Variants in PSMD5 observed in about 807,000 individuals in gnomAD.
PSMD5 encodes the protein proteasome 26S subunit, non-ATPase 5, also known as 26S proteasome non-ATPase regulatory subunit 5.
Under a neutral mutation model 52.1 loss-of-function variants are expected in PSMD5, and 40 were observed. That is an observed-to-expected ratio of 0.77 (90% CI 0.60 to 1.00). The LOEUF is 1.00. PSMD5 is among the 50% of genes least tolerant of loss of function. PSMD5 has a pLI of 0.00. For synonymous variants in PSMD5, 211 were observed against 226.6 expected (o/e 0.93, Z 0.62); for missense variants, 575 against 605.2 (o/e 0.95, Z 0.52).
intron 1 of PSMD5, among the ~76,000 whole-genome samples, chr9:120,838,596 A>G (rs2045214064): frequency 6.6e-6 from 1 of 152,244 alleles, no homozygotes; most frequent in African/African-American, 2.4e-5. Flanking sequence ...TGCAGTTGGT[A>G]TCTACTATGT....
Position 120,831,870 on chromosome 9 carries a change from A to G in PSMD5, c.394T>C (p.Tyr132His). Residue 132 changes from tyrosine to histidine, a missense_variant, in exon 3 of 10, where the codon TAT becomes CAT. Tyr to His is a moderately conservative substitution (Grantham distance 83). Coordinates refer to ENST00000210313, the MANE Select transcript of PSMD5 (RefSeq NM_005047.4). Reference sequence around the variant, plus strand: ...GATAGATTCTCTCCACCAATGCAATAAACAATTTGTTTTAGTAATTCAGCA... The same window carrying G: ...GATAGATTCTCTCCACCAATGCAATGAACAATTTGTTTTAGTAATTCAGCA... ...NNAELLKQIV[Y>H]CIGGENLSVA... The G allele has an allele frequency of 1.2e-6, 2 of 1,613,548 alleles. No homozygotes were observed. The highest frequency in any genetic ancestry group is 1.7e-6 in the Non-Finnish European group (2 of 1,179,914).
chr9:120,837,140 T>A (rs943035992), intron 1 of PSMD5, among the ~76,000 whole-genome samples: 2 of 151,992 alleles, frequency 1.3e-5, no homozygotes, highest in Admixed American at 1.3e-4. Context: ...CTGCCCACCT[T>A]GGCCTCCCAA....
chr9:120,833,193 G>C (rs2045172973), intron 2 of PSMD5, 119 bp downstream of exon 2: 2 of 1,181,850 alleles, frequency 1.7e-6, no homozygotes, highest in African/African-American at 1.5e-5. Flanking sequence ...GCAGAGGAGA[G>C]GGGGAGAAGG....
chr9:120,833,367 A>G lies in PSMD5; in HGVS notation c.263T>C (p.Leu88Pro). 6.2e-7 allele frequency: 1 copy of G among 1,614,128 alleles called. No individual in the cohort carries two copies. The highest frequency in any genetic ancestry group is 8.5e-7 in the Non-Finnish European group (1 of 1,179,956). The change falls in exon 2 of 10, where the codon CTG (leucine) becomes CCG (proline). Residue 88 changes from leucine to proline, a missense_variant. Leu to Pro is a moderately conservative substitution (Grantham distance 98). Transcript: ENST00000210313. ...VHVARNLRVD[L>P]QRGLIHPDDS... Reference sequence around the variant, plus strand: ...ATCAGGGTGAATTAGTCCCCTCTGCAGGTCAACCCTGAGGTTCCGGGCCAC... The same window carrying G: ...ATCAGGGTGAATTAGTCCCCTCTGCGGGTCAACCCTGAGGTTCCGGGCCAC...
chr9:120,828,067 G>T (rs2045134917), intron 5 of PSMD5, among the ~76,000 whole-genome samples: 1 of 151,822 alleles, frequency 6.6e-6, no homozygotes, highest in South Asian at 2.1e-4. Context: ...CACGATCTTG[G>T]CTCCCTGCAA....
At chr9:120,829,301 A>G (rs2045144745) in intron 4 of PSMD5, 93 bp from the exon 5 acceptor site, 1 of 1,290,954 alleles carries the variant, frequency 7.7e-7, no homozygotes, top group Non-Finnish European at 9.9e-7. Flanking sequence ...AGGACTAGGT[A>G]CTTTTTATAA....
rs770424578 is a variant in PSMD5 at position 120,831,918 on chromosome 9, C to T, written c.346G>A (p.Ala116Thr). 1 of 1,612,846 alleles carries T rather than the reference C, an allele frequency of 6.2e-7. No individual in the cohort carries two copies. The highest frequency in any genetic ancestry group is 8.5e-7 in the Non-Finnish European group (1 of 1,179,746). Residue 116 changes from alanine (A) to threonine (T), a missense_variant, in exon 3 of 10, where the codon GCT becomes ACT. By Grantham distance (58) the Ala-to-Thr change is moderately conservative. Transcript: ENST00000210313. ...QIGRIVENSD[A>T]VTEILNNAEL... ...GCATTATTTAGAATCTCAGTAACAG[C>T]ATCAGAATTTTCAACAATTCTTCCA...
At chr9:120,826,610 G>T (rs2045123492) in intron 6 of PSMD5, 155 bp downstream of exon 6, 1 of 908,354 alleles carries the variant, frequency 1.1e-6, no homozygotes, top group Non-Finnish European at 1.6e-6. Context: ...GAACTTGGTT[G>T]CTCTAGATAT....
intron 6 of PSMD5, 91 bp from the exon 7 acceptor site, chr9:120,824,776 C>T: frequency 9.1e-7 from 1 of 1,100,330 alleles, no homozygotes. Context: ...AAATGAACTG[C>T]AGGCCAGAAA....
chr9:120,832,393 CTTTTTTTTTTT>C (rs35785525), intron 2 of PSMD5, among the ~76,000 whole-genome samples: 1 of 126,906 alleles, frequency 7.9e-6, no homozygotes, highest in Non-Finnish European at 1.7e-5. Flanking sequence ...TTCCCCCAAC[CTTTTTTTTTTT>C]TTTTTTTTTT....
chr9:120,824,154 G>T, intron 7 of PSMD5: 1 of 181,276 alleles, frequency 5.5e-6, no homozygotes, highest in African/African-American at 2.5e-5. Flanking sequence ...CCAAGGACAT[G>T]AATCCAGACC....
chr9:120,839,106 GGACA>G (rs1220457970), intron 1 of PSMD5, among the ~76,000 whole-genome samples: 1 of 152,160 alleles, frequency 6.6e-6, no homozygotes, highest in East Asian at 1.9e-4. Flanking sequence ...GACAGAATAT[GGACA>G]GACAGCAAAG....
chr9:120,823,229 T>A (rs1389270411), intron 7 of PSMD5, among the ~76,000 whole-genome samples: 2 of 151,242 alleles, frequency 1.3e-5, no homozygotes, highest in African/African-American at 4.9e-5. Context: ...TTTTTTTTTT[T>A]ACAGAGTCTC....
In PSMD5 at chr9:120,842,817, T is replaced by C; in HGVS notation, c.93A>G (p.Ala31=). 3 of 1,612,084 alleles carry C rather than the reference T, an allele frequency of 1.9e-6. No homozygotes were observed. Among genetic ancestry groups the C allele is most frequent in the East Asian group, 4.5e-5 (2 of 44,876 alleles). The part of the protein sequence containing the change: ...ELRALHSVLQ[A]VPLNELRQQA... ...GCTGGCGAAGCTCGTTGAGCGGCAC[T>C]GCCTGCAGCACGGAGTGAAGCGCGC... is the stretch of plus-strand genomic sequence containing the variant. The change falls in exon 1 of 10, where the codon GCA becomes GCG. Residue 31 remains alanine (A), a synonymous_variant. Transcript: ENST00000210313.
At chr9:120,828,908 T>C (rs951490130) in intron 5 of PSMD5, among the ~76,000 whole-genome samples, 191 bp downstream of exon 5, 3 of 152,240 alleles carry the variant, frequency 2.0e-5, no homozygotes, top group Non-Finnish European at 4.4e-5. Context: ...CATGTGGGGC[T>C]TTCCCAAGTT....
chr9:120,824,420 C>T, intron 7 of PSMD5, 74 bp downstream of exon 7: 1 of 1,453,758 alleles, frequency 6.9e-7, no homozygotes, highest in Non-Finnish European at 9.7e-7. Flanking sequence ...AGTTAACCCA[C>T]CAGCAAATGA....
Position 120,820,986 on chromosome 9 carries a change from G to A in PSMD5, c.1117-7C>T. On this transcript the variant is annotated splice_polypyrimidine_tract_variant and splice_region_variant and intron_variant, in intron 8 of 9. Transcript: ENST00000210313. Reference sequence around the variant, plus strand: ...CATCAGTCTGCTGCTCAGGCTACAGGAAAGAAAAGGAAAATCTCATCAAAA... The same window carrying A: ...CATCAGTCTGCTGCTCAGGCTACAGAAAAGAAAAGGAAAATCTCATCAAAA... 6.4e-7 allele frequency: 1 copy of A among 1,570,748 alleles called. No individual in the cohort carries two copies. The highest frequency in any genetic ancestry group is 8.6e-7 in the Non-Finnish European group (1 of 1,167,462).
intron 7 of PSMD5, among the ~76,000 whole-genome samples, chr9:120,823,058 G>A (rs368458463): frequency 2.4e-4 from 36 of 151,522 alleles, no homozygotes; most frequent in African/African-American, 8.2e-4. Flanking sequence ...CGATCCTCCC[G>A]CCTTGGCCTC....
At chr9:120,837,318 C>T (rs1472212339) in intron 1 of PSMD5, among the ~76,000 whole-genome samples, 1 of 152,204 alleles carries the variant, frequency 6.6e-6, no homozygotes, top group East Asian at 1.9e-4. Flanking sequence ...CACCACCTAG[C>T]CTGAAGAACC....
Sources: allele counts gnomAD v4.1 joint callset (sites outside exome capture counted in the v4.1 genomes callset), GRCh38; gene constraint gnomAD v4.1.1; transcripts MANE v1.5; gene names NCBI Gene and HGNC (gene_info 2026-07-23, HGNC 2026-07-21).